Variants in STRN3 observed in about 807,000 individuals in gnomAD.
STRN3 encodes striatin-3.
A neutral mutation model predicts 95.6 loss-of-function variants in STRN3; 29 were observed. The observed-to-expected ratio is 0.30, with a 90% CI of 0.23 to 0.41. The LOEUF is 0.41. Among genes scored for constraint, STRN3 ranks in the 10% least tolerant of loss-of-function variants. The pLI, the probability that STRN3 is intolerant of heterozygous loss-of-function variation, is 1.00. For synonymous variants in STRN3, 331 were observed against 357.6 expected (o/e 0.93, Z 0.84); for missense variants, 890 against 972.1 (o/e 0.92, Z 1.12).
chr14:30,898,435 G>A (rs1051754525), intron 16 of STRN3, among the ~76,000 whole-genome samples: 1 of 152,172 alleles, frequency 6.6e-6, no homozygotes, highest in Non-Finnish European at 1.5e-5. Context: ...TTTAACTCCA[G>A]CTCTCCAGCC....
chr14:30,925,183 A>G (rs1421594718), intron 8 of STRN3, among the ~76,000 whole-genome samples: 1 of 150,502 alleles, frequency 6.6e-6, no homozygotes, highest in Non-Finnish European at 1.5e-5. Flanking sequence ...TCTACGTTCC[A>G]AGACAAGGCT....
At chr14:31,022,335 G>A (rs1164724079) in intron 1 of STRN3, among the ~76,000 whole-genome samples, 2 of 150,810 alleles carry the variant, frequency 1.3e-5, no homozygotes, top group Non-Finnish European at 2.9e-5. Context: ...AGCCAAGATG[G>A]TGCCACTGCA....
chr14:30,980,001 C>A (rs1302210858), intron 1 of STRN3, among the ~76,000 whole-genome samples: 1 of 151,712 alleles, frequency 6.6e-6, no homozygotes, highest in African/African-American at 2.4e-5. Flanking sequence ...GTAATCCCAA[C>A]CACCTTGGGA....
At chr14:31,022,128 C>G (rs1412247193) in intron 1 of STRN3, among the ~76,000 whole-genome samples, 1 of 151,970 alleles carries the variant, frequency 6.6e-6, no homozygotes, top group African/African-American at 2.4e-5. Flanking sequence ...GCCTGTAATC[C>G]CAGCACTTTG....
chr14:30,936,928 A>T (rs546139432), intron 5 of STRN3, among the ~76,000 whole-genome samples: 139 of 152,346 alleles, frequency 9.1e-4, no homozygotes, highest in African/African-American at 3.1e-3. Context: ...TCAAAATAAA[A>T]CCATCATAAA....
chr14:30,895,736 T>C lies in STRN3; in HGVS notation c.2150A>G (p.His717Arg). The change falls in exon 17 of 18, where the codon CAT becomes CGT. Residue 717 changes from histidine to arginine, a missense_variant. Physicochemically the swap from His to Arg is conservative, Grantham distance 29. Around this residue, in one of 3 missense-constraint regions of STRN3, gnomAD observed 357 missense variants for 422.8 expected, o/e 0.84. Coordinates refer to ENST00000357479, the MANE Select transcript of STRN3 (RefSeq NM_001083893.2). ...FFDNKTGKMI[H>R]SMVAHLDAVT... ...AGCATCCAAGTGAGCTACCATAGAA[T>C]GGATCATTTTACCTAAACAAAACAT... The C allele has an allele frequency of 4.3e-6, 7 of 1,612,600 alleles. No homozygotes were observed. The highest frequency in any genetic ancestry group is 5.1e-6 in the Non-Finnish European group (6 of 1,179,638).
chr14:30,922,500 T>C (rs530619671), intron 8 of STRN3, among the ~76,000 whole-genome samples: 1 of 152,276 alleles, frequency 6.6e-6, no homozygotes, highest in South Asian at 2.1e-4. Context: ...CAAACACACA[T>C]ACTCATGCCA....
rs1440341218 is a variant in STRN3, at chr14:31,026,084, C to T, written c.102G>A (p.Gly34=). The change falls in exon 1 of 18, where the codon GGG becomes GGA. Residue 34 remains glycine, a synonymous_variant. Transcript: ENST00000357479. ...PGGNLGLSPG[G]NGAAGGGGPP... is the part of the protein sequence containing the mutation. ...GACCCCCGCCGCCCGCCGCTCCGTTCCCCCCGGGCGAAAGGCCCAGGTTCC... is the reference window on the plus strand; with the variant it reads ...GACCCCCGCCGCCCGCCGCTCCGTTTCCCCCGGGCGAAAGGCCCAGGTTCC... 8 of 1,526,740 alleles carry T rather than the reference C, an allele frequency of 5.2e-6. No homozygotes were observed. The highest frequency in any genetic ancestry group is 5.3e-6 in the Non-Finnish European group (6 of 1,137,584). 94.6% of individuals were successfully genotyped at this position (1,526,740 alleles called of 1,614,324 possible).
intron 8 of STRN3, among the ~76,000 whole-genome samples, chr14:30,919,470 TTTAAGG>T (rs1001791742): frequency 2.0e-5 from 3 of 151,984 alleles, no homozygotes; most frequent in Non-Finnish European, 2.9e-5. Context: ...AATTTTGGTG[TTTAAGG>T]TTAACATTTA....
chr14:30,902,300 A>G (rs1896344841), intron 16 of STRN3, among the ~76,000 whole-genome samples: 1 of 152,000 alleles, frequency 6.6e-6, no homozygotes, highest in Non-Finnish European at 1.5e-5. Flanking sequence ...GGAAGGATCT[A>G]CATTTAACTA....
At chr14:30,933,043 G>C (rs1313097587) in intron 7 of STRN3, among the ~76,000 whole-genome samples, 1 of 151,986 alleles carries the variant, frequency 6.6e-6, no homozygotes, top group Non-Finnish European at 1.5e-5. Flanking sequence ...GGGAGGCCAA[G>C]GCAGGCAGAC....
chr14:31,025,823 G>A, intron 1 of STRN3, 81 bp downstream of exon 1: 6 of 1,529,470 alleles, frequency 3.9e-6, no homozygotes, highest in Non-Finnish European at 5.3e-6. Flanking sequence ...CGCCGGCTCC[G>A]GCTGAGTGGA....
At chr14:30,949,274 CT>C (rs1879519892) in intron 4 of STRN3, among the ~76,000 whole-genome samples, 4 of 151,986 alleles carry the variant, frequency 2.6e-5, no homozygotes, top group Non-Finnish European at 5.9e-5. Context: ...TGATAAATAC[CT>C]TTTTGAATGG....
At chr14:30,995,612 C>G (rs887298386) in intron 1 of STRN3, among the ~76,000 whole-genome samples, 6 of 152,112 alleles carry the variant, frequency 3.9e-5, no homozygotes, top group Admixed American at 6.5e-5. Flanking sequence ...AAAACCAAAA[C>G]AGCTCAGTTT....
chr14:31,004,003 G>C (rs1882599407), intron 1 of STRN3, among the ~76,000 whole-genome samples: 1 of 151,826 alleles, frequency 6.6e-6, no homozygotes, highest in Admixed American at 6.6e-5. Context: ...GAAGTTTCTG[G>C]GTGGGCGCAG....
intron 1 of STRN3, among the ~76,000 whole-genome samples, chr14:31,017,438 G>A (rs1377141101): frequency 1.3e-5 from 2 of 151,864 alleles, no homozygotes; most frequent in Non-Finnish European, 2.9e-5. Context: ...GGCAGAGCTT[G>A]CAGTGAGCCG....
At position 30,973,136 on chromosome 14, in the gene STRN3, G is replaced by C. The variant is rs142715110; in HGVS notation, c.283-16894C>G. On this transcript the variant is annotated intron_variant, in intron 1 of 17. Coordinates refer to ENST00000357479, the MANE Select transcript of STRN3 (RefSeq NM_001083893.2). ...AGGCAGGAGAATCACTTGTACCCTG[G>C]AGGCGGAGGTTACAGTGAGCTGAGA... Among the ~76,000 whole-genome samples, 564 of 152,304 alleles carry C rather than the reference G, an allele frequency of 3.7e-3. 5 individuals carry two copies. Among genetic ancestry groups the C allele is most frequent in the African/African-American group, 0.013 (529 of 41,568 alleles).
chr14:31,025,835 T>G lies in STRN3; in HGVS notation c.282+69A>C, dbSNP rs995354222. 1.9e-5 allele frequency: 29 copies of G among 1,540,428 alleles called. No individual in the cohort carries two copies. In the Admixed American group the frequency reaches 2.0e-4, roughly 10 times the overall value. On this transcript the variant is annotated intron_variant, in intron 1 of 17. Transcript: ENST00000357479. ...AGGCGCCGGCTCCGGCTGAGTGGAGTCCCCAGCCCCACCCCCCGGCCGGGA... is the reference window on the plus strand; with the variant it reads ...AGGCGCCGGCTCCGGCTGAGTGGAGGCCCCAGCCCCACCCCCCGGCCGGGA...
intron 5 of STRN3, among the ~76,000 whole-genome samples, chr14:30,946,366 G>C (rs558341817): frequency 6.6e-6 from 1 of 151,680 alleles, no homozygotes; most frequent in African/African-American, 2.4e-5. Context: ...AACAGAGCAA[G>C]AACCCATCTC....
Sources: gnomAD v4.1 joint callset for allele counts (sites outside exome capture counted in the v4.1 genomes callset) on GRCh38, gnomAD v4.1.1 for gene constraint, gnomAD v4.1.1 regional missense constraint, MANE v1.5 for transcripts, NCBI Gene and HGNC (gene_info 2026-07-23, HGNC 2026-07-21) for gene names.